Variants in LRRTM4 observed in about 807,000 individuals in gnomAD.
The protein encoded by LRRTM4 is leucine-rich repeat transmembrane neuronal protein 4.
A neutral mutation model predicts 47.6 loss-of-function variants in LRRTM4; 25 were observed. The observed-to-expected ratio is 0.53, with a 90% confidence interval of 0.38 to 0.73. LRRTM4 has a LOEUF of 0.73. LRRTM4 is among the 30% of genes least tolerant of loss of function. The pLI, the probability that LRRTM4 is intolerant of heterozygous loss-of-function variation, is 0.00. For synonymous variants in LRRTM4, 311 were observed against 269.5 expected (o/e 1.15, Z -1.51); for missense variants, 638 against 713.4 (o/e 0.89, Z 1.20).
At chr2:76,851,243 G>A (rs547578457) in intron 3 of LRRTM4, among the ~76,000 whole-genome samples, 186 of 152,232 alleles carry the variant, frequency 1.2e-3, no homozygotes, top group Middle Eastern at 3.4e-3. Flanking sequence ...TTTGTCAGAT[G>A]CTCTGGTTTT....
Position 77,355,563 on chromosome 2 carries a change from A to G in LRRTM4, c.1551+162755T>C, listed in dbSNP as rs565348653. Among the ~76,000 whole-genome samples, 26 of 152,348 alleles carry G rather than the reference A, an allele frequency of 1.7e-4. 1 individual carries two copies. The highest frequency in any genetic ancestry group is 6.0e-4 in the African/African-American group (25 of 41,588). On this transcript the variant is annotated intron_variant, in intron 3 of 3. Transcript: ENST00000409884. The stretch of plus-strand genomic sequence containing the variant: ...CAATACAACACTCAGGAAAAGGACA[A>G]TGAAAACATGGATTCCATTTGTTTT...
In LRRTM4 at chr2:76,846,598, AAGAG is replaced by A. The variant is rs149710098; in HGVS notation, c.1552-97686_1552-97683del. Among the ~76,000 whole-genome samples the A allele has an allele frequency of 9.8e-3, 1,490 of 152,040 alleles. 35 individuals are homozygous for A. The highest frequency in any genetic ancestry group is 0.034 in the African/African-American group (1,396 of 41,314). On this transcript the variant is annotated intron_variant, in intron 3 of 3. Coordinates refer to ENST00000409884, the MANE Select transcript of LRRTM4 (RefSeq NM_001134745.3). The stretch of plus-strand genomic sequence containing the variant: ...TTTATATCAGTTCATCACAGAAATA[AAGAG>A]AAACACTCACTTAATCAAAAATATA...
chr2:76,978,403 G>C (rs528773605), intron 3 of LRRTM4, among the ~76,000 whole-genome samples: 11 of 152,194 alleles, frequency 7.2e-5, no homozygotes, highest in African/African-American at 2.6e-4. Flanking sequence ...GGTAATGGCT[G>C]TAGTCATTTT....
intron 3 of LRRTM4, among the ~76,000 whole-genome samples, chr2:77,382,688 T>C (rs576261815): frequency 2.4e-4 from 36 of 152,198 alleles, no homozygotes; most frequent in African/African-American, 8.7e-4. Context: ...CCTAAAACTG[T>C]TTAGTGGGAA....
chr2:77,500,459 G>A (rs1027081973), intron 3 of LRRTM4, among the ~76,000 whole-genome samples: 3 of 151,370 alleles, frequency 2.0e-5, no homozygotes, highest in Non-Finnish European at 1.5e-5. Flanking sequence ...AAAAAAATCT[G>A]TATTACAGAA....
At chr2:76,930,675 C>G (rs1233699327) in intron 3 of LRRTM4, among the ~76,000 whole-genome samples, 5 of 152,056 alleles carry the variant, frequency 3.3e-5, no homozygotes, top group African/African-American at 9.7e-5. Context: ...GTGGAAGGAG[C>G]AATGGATGTG....
In LRRTM4 at chr2:77,430,068, CA is replaced by C. The variant is rs911997273; in HGVS notation, c.1551+88249del. 8.5e-3 allele frequency among the ~76,000 whole-genome samples: 1,171 copies of C among 137,510 alleles called. 4 individuals are homozygous for C. Among genetic ancestry groups the C allele is most frequent in the Middle Eastern group, 0.048 (12 of 252 alleles). The allele number at this position is 137,510 out of a possible 152,430, so 90.2% of individuals were successfully genotyped here. A position where few individuals can be genotyped will look rare whatever the true frequency, so the allele number is the denominator to read the frequency against. On this transcript the variant is annotated intron_variant, in intron 3 of 3. Transcript: ENST00000409884. ...TGGGCAGCAGAGTAAGGCTGTGTCT[CA>C]AAAAAAAAAAATCTGTTTTAAAACA... is the stretch of plus-strand genomic sequence containing the variant.
At chr2:77,399,069 A>G (rs555428191) in intron 3 of LRRTM4, among the ~76,000 whole-genome samples, 1 of 151,660 alleles carries the variant, frequency 6.6e-6, no homozygotes, top group East Asian at 2.0e-4. Flanking sequence ...CCCCTCAATA[A>G]ACTCTATGTC....
chr2:77,349,374 A>C (rs1671678982), intron 3 of LRRTM4, among the ~76,000 whole-genome samples: 1 of 152,074 alleles, frequency 6.6e-6, no homozygotes, highest in Non-Finnish European at 1.5e-5. Flanking sequence ...TGAATTTTAT[A>C]CGAAAAGTCT....
chr2:77,023,064 G>A lies in LRRTM4; in HGVS notation c.1552-274148C>T, dbSNP rs973456963. Among the ~76,000 whole-genome samples, 7 of 152,342 alleles carry A rather than the reference G, an allele frequency of 4.6e-5. No individual in the cohort carries two copies. The East Asian group carries it at 1.4e-3, about 29-fold the overall frequency. On this transcript the variant is annotated intron_variant, in intron 3 of 3. Coordinates refer to ENST00000409884, the MANE Select transcript of LRRTM4 (RefSeq NM_001134745.3). The stretch of plus-strand genomic sequence containing the variant: ...TTTCCATACATCTTCTGAAATCTAG[G>A]CAGAGGTTCCCTAACCCCAATTCTT...
At chr2:77,064,989 T>G (rs547624794) in intron 3 of LRRTM4, among the ~76,000 whole-genome samples, 1 of 152,196 alleles carries the variant, frequency 6.6e-6, no homozygotes, top group Non-Finnish European at 1.5e-5. Context: ...ACTTTTTAAT[T>G]AATGTTCATT....
intron 3 of LRRTM4, among the ~76,000 whole-genome samples, chr2:77,426,600 C>T (rs1027462666): frequency 1.3e-5 from 2 of 152,106 alleles, no homozygotes; most frequent in Admixed American, 6.5e-5. Flanking sequence ...GAGCAGTTAC[C>T]CCCATGCTAC....
rs188181732 is a variant in LRRTM4 at position 77,131,124 on chromosome 2, G to A, written c.1552-382208C>T. 4.7e-4 allele frequency among the ~76,000 whole-genome samples: 72 copies of A among 152,172 alleles called. No homozygotes were observed. In the East Asian group the frequency reaches 8.5e-3, roughly 18 times the overall value. The stretch of plus-strand genomic sequence containing the variant: ...GCTGGGATTACAGGCGTCAGCCACC[G>A]CGCCCGGCCTGGTTCTATTTTTATT... On this transcript the variant is annotated intron_variant, in intron 3 of 3. Coordinates refer to ENST00000409884, the MANE Select transcript of LRRTM4 (RefSeq NM_001134745.3).
chr2:77,013,180 G>A (rs1228937487), intron 3 of LRRTM4, among the ~76,000 whole-genome samples: 4 of 151,992 alleles, frequency 2.6e-5, no homozygotes, highest in Non-Finnish European at 5.9e-5. Flanking sequence ...AATCAGGAGG[G>A]AAAGGTATAA....
chr2:77,478,980 C>T (rs113314839), intron 3 of LRRTM4, among the ~76,000 whole-genome samples: 4 of 152,126 alleles, frequency 2.6e-5, no homozygotes, highest in Non-Finnish European at 4.4e-5. Context: ...CTGCAACCTC[C>T]GCCTCCCGGG....
At chr2:77,430,525 C>T (rs796972306) in intron 3 of LRRTM4, among the ~76,000 whole-genome samples, 7 of 151,922 alleles carry the variant, frequency 4.6e-5, no homozygotes, top group African/African-American at 1.7e-4. Context: ...AGTTCGAGAC[C>T]AGCCTGACCA....
chr2:76,778,356 T>A (rs1433102736), intron 3 of LRRTM4, among the ~76,000 whole-genome samples: 89 of 142,294 alleles, frequency 6.3e-4, no homozygotes, highest in African/African-American at 1.7e-3. Context: ...TCCTTGTACC[T>A]CTGGTAGAAT....
At chr2:76,826,421 A>G (rs1671192710) in intron 3 of LRRTM4, among the ~76,000 whole-genome samples, 1 of 151,558 alleles carries the variant, frequency 6.6e-6, no homozygotes, top group South Asian at 2.1e-4. Flanking sequence ...CATAAAAGGA[A>G]AAAAATAATA....
intron 3 of LRRTM4, among the ~76,000 whole-genome samples, chr2:76,839,880 C>CAG (rs1671622080): frequency 6.6e-6 from 1 of 151,834 alleles, no homozygotes; most frequent in African/African-American, 2.4e-5. Flanking sequence ...ATATAAAGGC[C>CAG]AGTGTCTTAT....
Sources: gnomAD v4.1 joint callset for allele counts (sites outside exome capture counted in the v4.1 genomes callset) on GRCh38, gnomAD v4.1.1 for gene constraint, MANE v1.5 for transcripts, NCBI Gene and HGNC (gene_info 2026-07-23, HGNC 2026-07-21) for gene names.